CTNNA3: variants seen among roughly 807,000 people sequenced by gnomAD.
The protein encoded by CTNNA3 is catenin alpha 3, also known as catenin alpha-3.
In CTNNA3, 76 loss-of-function variants were observed where a neutral mutation model predicts 95.7. The ratio of observed to expected loss-of-function variants is 0.79; its 90% confidence interval spans 0.66 to 0.96. The LOEUF (loss-of-function observed/expected upper bound fraction) is 0.96, where lower values mean the gene tolerates loss of function less well. CTNNA3 is among the 40% of genes least tolerant of loss of function. The pLI, the probability that CTNNA3 is intolerant of heterozygous loss-of-function variation, is 0.00. For missense variants in CTNNA3, 1,191 were observed against 1,089.8 expected (o/e 1.09, Z -1.31); for synonymous variants, 431 against 374.4 (o/e 1.15, Z -1.74).
intron 15 of CTNNA3, among the ~76,000 whole-genome samples, chr10:65,994,295 G>A (rs114627789): frequency 2.0e-4 from 31 of 152,178 alleles, no homozygotes; most frequent in African/African-American, 6.7e-4. Flanking sequence ...TCAGATATAA[G>A]AACCCTTTAA....
chr10:66,998,549 T>C (rs1320037027), intron 7 of CTNNA3, among the ~76,000 whole-genome samples: 1 of 151,632 alleles, frequency 6.6e-6, no homozygotes, highest in Non-Finnish European at 1.5e-5. Flanking sequence ...AATAAAAAGA[T>C]GAAGAATGAC....
At chr10:67,339,960 A>G (rs1210419916) in intron 5 of CTNNA3, among the ~76,000 whole-genome samples, 1 of 152,192 alleles carries the variant, frequency 6.6e-6, no homozygotes, top group Non-Finnish European at 1.5e-5. Context: ...TGTATTATTT[A>G]TCTCCAAATA....
At chr10:66,768,826 TA>T (rs1191469664) in intron 8 of CTNNA3, among the ~76,000 whole-genome samples, 6 of 151,594 alleles carry the variant, frequency 4.0e-5, no homozygotes, top group African/African-American at 1.2e-4. Flanking sequence ...TAAATTAAAT[TA>T]AAAAAAAGGA....
Position 66,657,297 on chromosome 10 carries a change from C to G in CTNNA3, c.1282-35513G>C, listed in dbSNP as rs556589328. 1.9e-3 allele frequency among the ~76,000 whole-genome samples: 295 copies of G among 152,200 alleles called. 1 individual carries two copies. Among genetic ancestry groups the G allele is most frequent in the African/African-American group, 6.9e-3 (288 of 41,548 alleles). On this transcript the variant is annotated intron_variant, in intron 9 of 17. Transcript: ENST00000433211. ...TTTGATCCTGACTTGCCTTAGAGAG[C>G]CTTTCTTTATAAAGCAGCTCTCGTT...
chr10:66,288,613 T>C (rs575534451), intron 12 of CTNNA3, among the ~76,000 whole-genome samples: 5 of 152,278 alleles, frequency 3.3e-5, no homozygotes, highest in African/African-American at 4.8e-5. Context: ...TTAGTCACTC[T>C]AGCCCACCAC....
At chr10:67,250,569 G>A (rs540846868) in intron 5 of CTNNA3, among the ~76,000 whole-genome samples, 28 of 152,078 alleles carry the variant, frequency 1.8e-4, no homozygotes, top group South Asian at 1.0e-3. Flanking sequence ...TTCAAGACTC[G>A]AGTACCTGGG....
chr10:66,705,411 A>AC (rs1200367669), intron 9 of CTNNA3, among the ~76,000 whole-genome samples: 24 of 152,032 alleles, frequency 1.6e-4, no homozygotes, highest in Non-Finnish European at 2.6e-4. Context: ...TTTTTTGAAA[A>AC]ATAATTGTAT....
intron 5 of CTNNA3, among the ~76,000 whole-genome samples, chr10:67,239,840 T>C (rs1043195445): frequency 6.6e-6 from 1 of 152,076 alleles, no homozygotes; most frequent in African/African-American, 2.4e-5. Context: ...GAATCCTGTA[T>C]CCACTTTGAG....
chr10:67,159,725 A>G (rs2132085273), intron 7 of CTNNA3, among the ~76,000 whole-genome samples: 1 of 152,286 alleles, frequency 6.6e-6, no homozygotes, highest in East Asian at 1.9e-4. Context: ...ATCATCTGAA[A>G]ATGGATTAAA....
chr10:66,078,862 AG>A (rs2080633877), intron 14 of CTNNA3: 1 of 151,936 alleles, frequency 6.6e-6, no homozygotes, highest in African/African-American at 2.4e-5. Context: ...GCTCTCTAAA[AG>A]TCTATTTTAT....
chr10:67,293,870 T>C (rs1839933251), intron 5 of CTNNA3, among the ~76,000 whole-genome samples: 1 of 152,144 alleles, frequency 6.6e-6, no homozygotes, highest in Admixed American at 6.5e-5. Flanking sequence ...GGCTTTATAG[T>C]ATTCCATGGT....
chr10:66,852,390 T>C (rs1026777501), intron 7 of CTNNA3, among the ~76,000 whole-genome samples: 2 of 152,146 alleles, frequency 1.3e-5, no homozygotes, highest in Admixed American at 6.6e-5. Context: ...TATTAGGTCT[T>C]TGTGAAGTAC....
chr10:66,228,529 C>T (rs2089435242), intron 13 of CTNNA3, among the ~76,000 whole-genome samples: 1 of 151,970 alleles, frequency 6.6e-6, no homozygotes, highest in Non-Finnish European at 1.5e-5. Flanking sequence ...TTTAAAAATA[C>T]CTCACATGAC....
chr10:67,474,080 C>T (rs1054022083), intron 5 of CTNNA3, among the ~76,000 whole-genome samples: 1 of 152,152 alleles, frequency 6.6e-6, no homozygotes, highest in Non-Finnish European at 1.5e-5. Context: ...ATATAGCAAT[C>T]TGTAACCAAA....
chr10:66,124,229 T>C (rs1202045010), intron 13 of CTNNA3, among the ~76,000 whole-genome samples: 2 of 152,148 alleles, frequency 1.3e-5, no homozygotes. Flanking sequence ...ATTATGTCTC[T>C]AAAGTTCAAA....
Position 66,584,810 on chromosome 10 carries a change from T to C in CTNNA3, c.1374+36882A>G, listed in dbSNP as rs561731792. 2.0e-5 allele frequency among the ~76,000 whole-genome samples: 3 copies of C among 152,192 alleles called. No individual in the cohort carries two copies. In the South Asian group the frequency reaches 6.2e-4, roughly 32 times the overall value. On this transcript the variant is annotated intron_variant, in intron 10 of 17. Transcript: ENST00000433211. The stretch of plus-strand genomic sequence containing the variant: ...AATTTTATGCTTTCAGGAGTATTTA[T>C]TCTGGTGAGTAACAACAACTTGTTT...
intron 13 of CTNNA3, among the ~76,000 whole-genome samples, chr10:66,202,174 A>G (rs929023589): frequency 6.6e-6 from 1 of 152,190 alleles, no homozygotes; most frequent in Non-Finnish European, 1.5e-5. Flanking sequence ...ACTCTCTTTT[A>G]TTTCAAACAT....
At chr10:65,988,826 T>C in intron 15 of CTNNA3, 29 bp from the exon 16 acceptor site, 1 of 1,512,864 alleles carries the variant, frequency 6.6e-7, no homozygotes, top group Non-Finnish European at 9.2e-7. Flanking sequence ...ATGTTAGCTG[T>C]GGTGTTCATG....
intron 5 of CTNNA3, among the ~76,000 whole-genome samples, chr10:67,405,272 C>G (rs970981747): frequency 6.6e-6 from 1 of 152,036 alleles, no homozygotes; most frequent in Non-Finnish European, 1.5e-5. Context: ...GAACCAAGAC[C>G]CACTGGTAAG....
Sources: gnomAD v4.1 joint callset for allele counts (sites outside exome capture counted in the v4.1 genomes callset) on GRCh38, gnomAD v4.1.1 for gene constraint, MANE v1.5 for transcripts, NCBI Gene and HGNC (gene_info 2026-07-23, HGNC 2026-07-21) for gene names.